Variants in PRKAR1B observed in about 807,000 individuals in gnomAD.
PRKAR1B encodes cAMP-dependent protein kinase type I-beta regulatory subunit.
A neutral mutation model predicts 46.5 loss-of-function variants in PRKAR1B; 22 were observed. The ratio of observed to expected loss-of-function variants is 0.47; its 90% confidence interval spans 0.34 to 0.68. PRKAR1B has a LOEUF of 0.68. Among genes scored for constraint, PRKAR1B ranks in the 30% least tolerant of loss-of-function variants. PRKAR1B has a pLI of 0.01. For synonymous variants in PRKAR1B, 259 were observed against 217.7 expected (o/e 1.19, Z -1.67); for missense variants, 445 against 535.6 (o/e 0.83, Z 1.67).
intron 4 of PRKAR1B, among the ~76,000 whole-genome samples, chr7:657,126 T>TGG (rs1785246859): frequency 2.0e-5 from 3 of 151,376 alleles, no homozygotes; most frequent in Non-Finnish European, 4.4e-5. Context: ...GATGGATGGA[T>TGG]AGATGGATGA....
chr7:607,158 C>G (rs1354762566), intron 5 of PRKAR1B, among the ~76,000 whole-genome samples: 1 of 152,184 alleles, frequency 6.6e-6, no homozygotes, highest in Non-Finnish European at 1.5e-5. Context: ...CACCCGCCAC[C>G]ACACCCAGCT....
At chr7:705,100 T>C (rs1004810178) in intron 2 of PRKAR1B, among the ~76,000 whole-genome samples, 1 of 151,970 alleles carries the variant, frequency 6.6e-6, no homozygotes, top group Admixed American at 6.6e-5. Context: ...AAGACCAACC[T>C]GGCCAACATG....
chr7:637,628 G>A (rs780256507), intron 4 of PRKAR1B, among the ~76,000 whole-genome samples: 18 of 151,972 alleles, frequency 1.2e-4, no homozygotes, highest in Non-Finnish European at 2.5e-4. Flanking sequence ...GAGGTCAGGA[G>A]ATCGAGACCA....
intron 9 of PRKAR1B, among the ~76,000 whole-genome samples, chr7:562,474 C>T (rs749314246): frequency 5.9e-5 from 9 of 152,170 alleles, no homozygotes; most frequent in Non-Finnish European, 1.0e-4. Flanking sequence ...CCCTCGGCCT[C>T]ACCTCCCAAC....
At chr7:611,061 C>T (rs947870435) in intron 4 of PRKAR1B, among the ~76,000 whole-genome samples, 1 of 152,238 alleles carries the variant, frequency 6.6e-6, no homozygotes, top group Non-Finnish European at 1.5e-5. Context: ...TCCTCACCCG[C>T]CCCTATGAGG....
chr7:703,377 T>C (rs909694136), intron 2 of PRKAR1B, among the ~76,000 whole-genome samples: 1 of 152,188 alleles, frequency 6.6e-6, no homozygotes, highest in Non-Finnish European at 1.5e-5. Context: ...CCAGGTGCAG[T>C]GGCTCATGCC....
intron 4 of PRKAR1B, among the ~76,000 whole-genome samples, chr7:633,152 C>T (rs1022909543): frequency 2.6e-5 from 4 of 152,208 alleles, no homozygotes; most frequent in East Asian, 3.8e-4. Flanking sequence ...CCCCAGATAT[C>T]GCTATAAACA....
rs566407989 is a variant in PRKAR1B at position 604,157 on chromosome 7, C to T, written c.549+2036G>A. Among the ~76,000 whole-genome samples, 7 of 152,346 alleles carry T rather than the reference C, an allele frequency of 4.6e-5. 1 individual carries two copies. The highest frequency in any genetic ancestry group is 2.1e-4 in the South Asian group (1 of 4,832). ...CCTGGTGTCTGGATACCAGGCACAA[C>T]GGGGCCACCTCCTGGGACGGGCCCA... is the stretch of plus-strand genomic sequence containing the variant. On this transcript the variant is annotated intron_variant, in intron 6 of 10. Coordinates refer to ENST00000537384, the MANE Select transcript of PRKAR1B (RefSeq NM_001164760.2).
intron 6 of PRKAR1B, among the ~76,000 whole-genome samples, chr7:604,229 G>A (rs1010433413): frequency 6.6e-6 from 1 of 152,226 alleles, no homozygotes; most frequent in Non-Finnish European, 1.5e-5. Flanking sequence ...ATCCTCCTCT[G>A]TCTTCTCTAT....
chr7:654,891 A>G (rs929132291), intron 4 of PRKAR1B, among the ~76,000 whole-genome samples: 1 of 152,220 alleles, frequency 6.6e-6, no homozygotes, highest in Non-Finnish European at 1.5e-5. Flanking sequence ...CATCATTGTT[A>G]TCATTGCCGT....
In PRKAR1B at chr7:550,579, G is replaced by A. The variant is rs1158275868; in HGVS notation, c.997C>T (p.Arg333Trp). Residue 333 changes from arginine to tryptophan, a missense_variant, in exon 11 of 11, where the codon CGG becomes TGG. Physicochemically the swap from Arg to Trp is moderately radical, Grantham distance 101. Transcript: ENST00000537384. The part of the protein sequence containing the change: ...YFGEIALLLN[R>W]PRAATVVARG... ...GCCACGACAGTGGCCGCCCGGGGCC[G>A]GTTCAGCAGCAGTGCAATCTCCCCT... 1.9e-6 allele frequency: 3 copies of A among 1,590,518 alleles called. No individual in the cohort carries two copies. Among genetic ancestry groups the A allele is most frequent in the Non-Finnish European group, 2.6e-6 (3 of 1,170,700 alleles).
At chr7:627,690 G>A (rs1237293999) in intron 4 of PRKAR1B, among the ~76,000 whole-genome samples, 1 of 152,110 alleles carries the variant, frequency 6.6e-6, no homozygotes, top group Non-Finnish European at 1.5e-5. Flanking sequence ...GTGGGCAGGG[G>A]CTCGGGCGCT....
chr7:609,447 CTG>C (rs1174919560), intron 4 of PRKAR1B, among the ~76,000 whole-genome samples: 2 of 152,106 alleles, frequency 1.3e-5, no homozygotes, highest in Non-Finnish European at 2.9e-5. Context: ...TCCTGGAAAA[CTG>C]TCCAGCATCA....
intron 1 of PRKAR1B, among the ~76,000 whole-genome samples, chr7:722,638 C>T (rs1003555898): frequency 4.6e-5 from 7 of 152,270 alleles, no homozygotes; most frequent in Non-Finnish European, 8.8e-5. Flanking sequence ...TCACAAAGTG[C>T]TGGGATGACA....
At chr7:581,010 A>T (rs1194641574) in intron 8 of PRKAR1B, among the ~76,000 whole-genome samples, 1 of 152,170 alleles carries the variant, frequency 6.6e-6, no homozygotes, top group Non-Finnish European at 1.5e-5. Flanking sequence ...TCCTAAAAAC[A>T]GGGTCCGTAC....
At chr7:657,022 T>A (rs1012488505) in intron 4 of PRKAR1B, among the ~76,000 whole-genome samples, 1 of 150,642 alleles carries the variant, frequency 6.6e-6, no homozygotes, top group Non-Finnish European at 1.5e-5. Flanking sequence ...GATGGATGGA[T>A]GAATGAATGA....
chr7:688,997 T>TC (rs1779260958), intron 2 of PRKAR1B, among the ~76,000 whole-genome samples: 1 of 151,508 alleles, frequency 6.6e-6, no homozygotes. Flanking sequence ...TACAAAGAGA[T>TC]CCCCCCAGGG....
intron 8 of PRKAR1B, among the ~76,000 whole-genome samples, chr7:583,531 C>CCACACGTGTGCACATACCCA (rs565707250): frequency 2.4e-5 from 3 of 126,058 alleles, no homozygotes; most frequent in Admixed American, 1.5e-4. Flanking sequence ...GTGCACACAC[C>CCACACGTGTGCACATACCCA]CACTCACACA....
At chr7:691,438 A>G (rs114842871) in intron 2 of PRKAR1B, 21,685 of 1,230,362 alleles carry the variant, frequency 0.018, 672 homozygotes, top group African/African-American at 0.12. Flanking sequence ...GCTTTGATGG[A>G]GAGGGAGTGC....
Sources: allele counts gnomAD v4.1 joint callset (sites outside exome capture counted in the v4.1 genomes callset), GRCh38; gene constraint gnomAD v4.1.1; transcripts MANE v1.5; gene names NCBI Gene and HGNC (gene_info 2026-07-23, HGNC 2026-07-21).